The following CSMD1 variants were observed in gnomAD, a reference collection of about 807,000 sequenced individuals.
The protein encoded by CSMD1 is CUB and sushi domain-containing protein 1.
A neutral mutation model predicts 417.5 loss-of-function variants in CSMD1; 213 were observed. The ratio of observed to expected loss-of-function variants is 0.51; its 90% CI spans 0.46 to 0.57. CSMD1 has a LOEUF of 0.57. Ranked by LOEUF, CSMD1 falls within the 20% of genes least tolerant of loss-of-function variation. The pLI, the probability that CSMD1 is intolerant of heterozygous loss-of-function variation, is 0.00. For synonymous variants in CSMD1, 2,862 were observed against 1,736.8 expected (o/e 1.65, Z -16.11); for missense variants, 6,923 against 4,529.7 (o/e 1.53, Z -15.17).
intron 3 of CSMD1, among the ~76,000 whole-genome samples, chr8:4,385,853 A>G (rs906855819): frequency 7.9e-5 from 12 of 152,182 alleles, no homozygotes; most frequent in African/African-American, 2.2e-4. Context: ...TAAAATCTGG[A>G]TATTTAAAAA....
At chr8:3,731,833 G>A (rs1389649666) in intron 6 of CSMD1, among the ~76,000 whole-genome samples, 1 of 152,112 alleles carries the variant, frequency 6.6e-6, no homozygotes, top group African/African-American at 2.4e-5. Context: ...CACCACCCAT[G>A]AGTGAGTTTC....
intron 5 of CSMD1, among the ~76,000 whole-genome samples, chr8:3,936,059 G>T (rs1472684782): frequency 6.6e-6 from 1 of 151,992 alleles, no homozygotes; most frequent in Non-Finnish European, 1.5e-5. Context: ...GAGTGTCCTG[G>T]GTAAAAGACC....
At chr8:3,731,495 G>A (rs1796255939) in intron 6 of CSMD1, among the ~76,000 whole-genome samples, 1 of 152,134 alleles carries the variant, frequency 6.6e-6, no homozygotes, top group Admixed American at 6.5e-5. Flanking sequence ...AGCCACTGTT[G>A]GACAATTCAT....
intron 1 of CSMD1, among the ~76,000 whole-genome samples, chr8:4,770,904 T>C (rs1796568149): frequency 6.6e-6 from 1 of 152,216 alleles, no homozygotes; most frequent in East Asian, 1.9e-4. Context: ...GACGATGATT[T>C]CCCATATATC....
chr8:4,855,595 G>A (rs1183338013), intron 1 of CSMD1, among the ~76,000 whole-genome samples: 3 of 152,178 alleles, frequency 2.0e-5, no homozygotes, highest in Admixed American at 6.5e-5. Context: ...GAAAACCAAG[G>A]CGCGAGAACT....
At chr8:3,331,740 G>A (rs1176037874) in intron 23 of CSMD1, among the ~76,000 whole-genome samples, 1 of 152,172 alleles carries the variant, frequency 6.6e-6, no homozygotes, top group Non-Finnish European at 1.5e-5. Context: ...AATGAACTTG[G>A]TATCTGACCT....
intron 26 of CSMD1, among the ~76,000 whole-genome samples, chr8:3,241,951 G>A (rs1372315022): frequency 7.0e-6 from 1 of 143,780 alleles, no homozygotes; most frequent in African/African-American, 2.6e-5. Context: ...GTAATAAAAT[G>A]TATATTGAGA....
rs562556861 is a variant in CSMD1, at chr8:4,366,793, G to T, written c.415+53160C>A. On this transcript the variant is annotated intron_variant, in intron 3 of 69. Transcript: ENST00000635120. ...TACATACATATACATGTGCCATGCT[G>T]CTGTGCTGCACCCATTAACTCGTCA... is the stretch of plus-strand genomic sequence containing the variant. Among the ~76,000 whole-genome samples, 384 of 152,178 alleles carry T rather than the reference G, an allele frequency of 2.5e-3. 3 individuals carry two copies. The highest frequency in any genetic ancestry group is 4.1e-3 in the Non-Finnish European group (279 of 68,014).
At chr8:4,343,929 G>A (rs1453802029) in intron 3 of CSMD1, among the ~76,000 whole-genome samples, 2 of 152,060 alleles carry the variant, frequency 1.3e-5, no homozygotes, top group African/African-American at 2.4e-5. Flanking sequence ...GCCAAGAGAA[G>A]TGTTTTAAAA....
chr8:4,739,655 G>A (rs916149747), intron 1 of CSMD1, among the ~76,000 whole-genome samples: 3 of 152,072 alleles, frequency 2.0e-5, no homozygotes, highest in African/African-American at 4.8e-5. Context: ...AGCCACAGGC[G>A]GACAGTCCAC....
rs532116714 is a variant in CSMD1 at position 3,914,100 on chromosome 8, G to A, written c.818+83803C>T. Among the ~76,000 whole-genome samples, 97 of 152,284 alleles carry A rather than the reference G, an allele frequency of 6.4e-4. 4 individuals carry two copies. The South Asian group carries it at 0.02, about 31-fold the overall frequency. ...AGAGTCATATTTGAATTATGTAAGT[G>A]CCTTGTCTTCAGCGTTAGAATTTTA... On this transcript the variant is annotated intron_variant, in intron 5 of 69. Transcript: ENST00000635120.
In CSMD1 at chr8:3,151,446, G is replaced by A; in HGVS notation, c.5982C>T (p.Tyr1994=). Reference sequence around the variant, plus strand: ...TCCAGGTGCAGTCTAAGTTGTTGGGGTAAGAACCTGGGAAGCCGGGGCTCA... The same window carrying A: ...TCCAGGTGCAGTCTAAGTTGTTGGGATAAGAACCTGGGAAGCCGGGGCTCA... ...VILSPGFPGS[Y]PNNLDCTWRI... The change falls in exon 40 of 70, where the codon TAC becomes TAT. Residue 1994 remains tyrosine, a synonymous_variant. Transcript: ENST00000635120. The A allele has an allele frequency of 1.2e-6, 2 of 1,613,880 alleles. No homozygotes were observed. The highest frequency in any genetic ancestry group is 1.7e-6 in the Non-Finnish European group (2 of 1,179,872).
At chr8:3,433,924 C>G (rs779452387) in intron 12 of CSMD1, among the ~76,000 whole-genome samples, 61 of 152,112 alleles carry the variant, frequency 4.0e-4, no homozygotes, top group Non-Finnish European at 7.6e-4. Context: ...GGTGCTCAAC[C>G]CTGCAAAATC....
At chr8:3,435,949 C>A (rs535550280) in intron 12 of CSMD1, among the ~76,000 whole-genome samples, 36 of 152,340 alleles carry the variant, frequency 2.4e-4, no homozygotes, top group African/African-American at 7.5e-4. Context: ...TAACCAGATG[C>A]AATCCATGCC....
At chr8:4,354,032 T>C (rs1015894639) in intron 3 of CSMD1, among the ~76,000 whole-genome samples, 1 of 152,206 alleles carries the variant, frequency 6.6e-6, no homozygotes, top group Non-Finnish European at 1.5e-5. Context: ...CTTTTTCCTC[T>C]CCATACCAGT....
intron 7 of CSMD1, among the ~76,000 whole-genome samples, chr8:3,630,700 C>T (rs932386061): frequency 6.7e-6 from 1 of 149,172 alleles, no homozygotes; most frequent in Non-Finnish European, 1.5e-5. Context: ...GAGTGGTTTG[C>T]TTCCAAGAAT....
At chr8:3,406,938 A>C (rs1417165146) in intron 14 of CSMD1, among the ~76,000 whole-genome samples, 1 of 152,194 alleles carries the variant, frequency 6.6e-6, no homozygotes, top group Non-Finnish European at 1.5e-5. Context: ...ATCATATTAC[A>C]CAGTTGTTTT....
intron 49 of CSMD1, among the ~76,000 whole-genome samples, chr8:3,066,630 A>C (rs1487045398): frequency 6.6e-6 from 1 of 152,252 alleles, no homozygotes; most frequent in East Asian, 1.9e-4. Flanking sequence ...TAGTAAAACA[A>C]TAATCACCTG....
intron 7 of CSMD1, among the ~76,000 whole-genome samples, chr8:3,685,850 C>T (rs984172523): frequency 1.3e-5 from 2 of 152,042 alleles, no homozygotes; most frequent in African/African-American, 2.4e-5. Context: ...AAAATAATCA[C>T]ATCATGGAGA....
Sources: allele counts gnomAD v4.1 joint callset (sites outside exome capture counted in the v4.1 genomes callset), GRCh38; gene constraint gnomAD v4.1.1; transcripts MANE v1.5; gene names NCBI Gene and HGNC (gene_info 2026-07-23, HGNC 2026-07-21).